The following TDRD12 variants were observed in gnomAD, a reference collection of about 807,000 sequenced individuals.
The protein encoded by TDRD12 is putative ATP-dependent RNA helicase TDRD12.
In TDRD12, 158 loss-of-function variants were observed where a neutral mutation model predicts 133.5. The observed-to-expected ratio is 1.18, with a 90% confidence interval of 1.04 to 1.35. The LOEUF is 1.35. TDRD12 is among the 40% of genes most tolerant of loss of function. TDRD12 has a pLI of 0.00. For missense variants in TDRD12, 1,443 were observed against 1,321.3 expected, an observed-to-expected ratio of 1.09 and a Z score of -1.43; for synonymous variants, 460 against 477.9, an observed-to-expected ratio of 0.96 and a Z score of 0.49.
At chr19:32,735,274 G>A (rs201485415) in intron 2 of TDRD12, among the ~76,000 whole-genome samples, 68 of 149,202 alleles carry the variant, frequency 4.6e-4, no homozygotes, top group Admixed American at 4.5e-3. Flanking sequence ...ACACACAAAT[G>A]AAAAAAAAAA....
chr19:32,766,577 C>A (rs1970302759), intron 8 of TDRD12, among the ~76,000 whole-genome samples: 1 of 151,516 alleles, frequency 6.6e-6, no homozygotes, highest in East Asian at 1.9e-4. Context: ...GATTAAGCAC[C>A]TTTTGTGTTC....
downstream of TDRD12, among the ~76,000 whole-genome samples, chr19:32,821,902 G>A (rs1392771644): frequency 3.3e-5 from 5 of 152,202 alleles, no homozygotes; most frequent in South Asian, 2.1e-4. Context: ...CTAATTGCAC[G>A]GACTTAGCAG....
At chr19:32,809,177 G>A (rs1189751914) in intron 22 of TDRD12, among the ~76,000 whole-genome samples, 1 of 152,158 alleles carries the variant, frequency 6.6e-6, no homozygotes, top group Non-Finnish European at 1.5e-5. Flanking sequence ...CCCTGGCCCT[G>A]TTCCCCTCCT....
Position 32,728,645 on chromosome 19 carries a change from C to CTTT in TDRD12, c.25-3065_25-3063dup, listed in dbSNP as rs61327045. ...TACCCCTTGTGAAATTTTTCTTTTC[C>CTTT]TTTTTTTTTTTTTTTTTGTGACAGA... is the stretch of plus-strand genomic sequence containing the variant. On this transcript the variant is annotated intron_variant, in intron 1 of 27. Transcript: ENST00000444215. Among the ~76,000 whole-genome samples, 471 of 129,102 alleles carry CTTT rather than the reference C, an allele frequency of 3.6e-3. 1 individual carries two copies. Among genetic ancestry groups the CTTT allele is most frequent in the African/African-American group, 0.012 (412 of 34,828 alleles). 84.7% of individuals were successfully genotyped at this position (129,102 alleles called of 152,430 possible).
At chr19:32,805,452 A>G (rs896217034) in intron 21 of TDRD12, among the ~76,000 whole-genome samples, 1 of 151,722 alleles carries the variant, frequency 6.6e-6, no homozygotes, top group East Asian at 1.9e-4. Context: ...TGATTTTTCC[A>G]TATGGATAAT....
At chr19:32,777,967 T>C (rs1970656881) in intron 11 of TDRD12, among the ~76,000 whole-genome samples, 1 of 146,420 alleles carries the variant, frequency 6.8e-6, no homozygotes, top group African/African-American at 2.5e-5. Context: ...TACCTCTGCC[T>C]TTCAGAGTGC....
intron 8 of TDRD12, among the ~76,000 whole-genome samples, chr19:32,771,094 A>C (rs1970431274): frequency 1.3e-5 from 2 of 152,348 alleles, no homozygotes; most frequent in South Asian, 4.1e-4. Context: ...GCTTCCAATC[A>C]TGGCAGAAGG....
At chr19:32,734,246 C>A (rs538677101) in intron 2 of TDRD12, among the ~76,000 whole-genome samples, 2 of 152,132 alleles carry the variant, frequency 1.3e-5, no homozygotes, top group South Asian at 4.1e-4. Flanking sequence ...TAATACAGTT[C>A]ATACTGCAAA....
At chr19:32,815,166 A>C (rs200751566) in intron 25 of TDRD12, among the ~76,000 whole-genome samples, 2 of 109,056 alleles carry the variant, frequency 1.8e-5, no homozygotes, top group Middle Eastern at 5.0e-3. Flanking sequence ...CAGATTTGCA[A>C]TTTGGTCTTG....
chr19:32,764,026 AC>A (rs1431833674), intron 8 of TDRD12, among the ~76,000 whole-genome samples: 1 of 151,844 alleles, frequency 6.6e-6, no homozygotes, highest in African/African-American at 2.4e-5. Flanking sequence ...ACTGGAAATT[AC>A]ACTAAATTTT....
chr19:32,722,667 T>G (rs939837116), intron 1 of TDRD12, among the ~76,000 whole-genome samples: 1 of 144,606 alleles, frequency 6.9e-6, no homozygotes, highest in Non-Finnish European at 1.5e-5. Context: ...ATCCTTTTAT[T>G]ATTTAAAAAA....
intron 1 of TDRD12, among the ~76,000 whole-genome samples, chr19:32,720,976 C>T (rs1282757825): frequency 6.6e-5 from 10 of 151,836 alleles, no homozygotes; most frequent in Admixed American, 5.2e-4. Context: ...CCGGGCCAAG[C>T]GACACTGGCG....
At chr19:32,738,355 GCC>G (rs1969289281) in intron 2 of TDRD12, among the ~76,000 whole-genome samples, 1 of 152,176 alleles carries the variant, frequency 6.6e-6, no homozygotes, top group Non-Finnish European at 1.5e-5. Context: ...TACTCAGACG[GCC>G]TGTGTTCCTG....
intron 11 of TDRD12, among the ~76,000 whole-genome samples, chr19:32,780,044 A>G (rs1048834349): frequency 6.7e-6 from 1 of 150,242 alleles, no homozygotes; most frequent in African/African-American, 2.4e-5. Flanking sequence ...CTGATTGAAG[A>G]TGGAAAATTC....
intron 2 of TDRD12, among the ~76,000 whole-genome samples, 187 bp downstream of exon 2, chr19:32,732,070 C>G (rs975798746): frequency 5.2e-4 from 79 of 152,110 alleles, no homozygotes; most frequent in African/African-American, 1.9e-3. Context: ...GTGGCACCAT[C>G]TGGGCTCACC....
chr19:32,740,025 G>A (rs1317530677), intron 3 of TDRD12, among the ~76,000 whole-genome samples: 4 of 99,314 alleles, frequency 4.0e-5, no homozygotes, highest in Non-Finnish European at 8.0e-5. Context: ...GGTACTCTCT[G>A]CATCTCCTGG....
At position 32,755,989 on chromosome 19, in the gene TDRD12, C is replaced by T. The variant is rs781767122; in HGVS notation, c.583-3C>T. 2.8e-6 allele frequency: 4 copies of T among 1,448,766 alleles called. No individual in the cohort carries two copies. The highest frequency in any genetic ancestry group is 3.6e-6 in the Non-Finnish European group (4 of 1,107,516). The allele number at this position is 1,448,766 out of a possible 1,614,324, so 89.7% of individuals were successfully genotyped here. A position where few individuals can be genotyped will look rare whatever the true frequency, so the allele number is the denominator to read the frequency against. ...TAGTCATGAAATGTTTAAAATTTTA[C>T]AGGTTTGTGTTAATGATGATCTTGT... On this transcript the variant is annotated splice_polypyrimidine_tract_variant and splice_region_variant and intron_variant, in intron 6 of 27. Coordinates refer to ENST00000444215, the Ensembl canonical transcript of TDRD12.
exon 25 of TDRD12, chr19:32,813,774 A>G (rs553854701): frequency 3.6e-5 from 54 of 1,516,664 alleles, no homozygotes; most frequent in African/African-American, 2.1e-4. Flanking sequence ...GATTGATCCA[A>G]TGGTAAGTAC....
downstream of TDRD12, chr19:32,826,007 A>C (rs1446663696): frequency 1.1e-6 from 1 of 897,736 alleles, no homozygotes; most frequent in Non-Finnish European, 1.7e-6. Flanking sequence ...TAGACGTTGC[A>C]TAAGGTACAA....
Sources: allele counts gnomAD v4.1 joint callset (sites outside exome capture counted in the v4.1 genomes callset), GRCh38; gene constraint gnomAD v4.1.1; transcripts MANE v1.5; gene names NCBI Gene and HGNC (gene_info 2026-07-23, HGNC 2026-07-21).